Variants in CDIN1 observed in about 807,000 individuals in gnomAD.
CDIN1 encodes CDAN1-interacting nuclease 1.
A neutral mutation model predicts 45.3 loss-of-function variants in CDIN1; 33 were observed. The observed-to-expected ratio is 0.73, with a 90% CI of 0.55 to 0.97. The LOEUF (loss-of-function observed/expected upper bound fraction) is 0.97, where lower values mean the gene tolerates loss of function less well. CDIN1 is among the 50% of genes least tolerant of loss of function. The probability of loss-of-function intolerance (pLI) is 0.00; values close to 1 mark genes in which losing one functional copy is unlikely to be tolerated. For synonymous variants in CDIN1, 118 were observed against 124.4 expected, an observed-to-expected ratio of 0.95 and a Z score of 0.34; for missense variants, 303 against 339.4, an observed-to-expected ratio of 0.89 and a Z score of 0.84.
At chr15:36,593,562 GTTA>G (rs1238047224) in intron 1 of CDIN1, among the ~76,000 whole-genome samples, 11 of 152,198 alleles carry the variant, frequency 7.2e-5, no homozygotes, top group African/African-American at 1.9e-4. Context: ...TTATTTTGTT[GTTA>G]TTATTATTGT....
At chr15:36,740,546 G>C (rs917988410) in intron 10 of CDIN1, among the ~76,000 whole-genome samples, 1 of 152,068 alleles carries the variant, frequency 6.6e-6, no homozygotes, top group Non-Finnish European at 1.5e-5. Flanking sequence ...GAGATATAAT[G>C]GGCCCACTAT....
rs200611196 is a variant in CDIN1, at chr15:36,663,632, A to G, written c.346+5727A>G. Among the ~76,000 whole-genome samples the G allele has an allele frequency of 4.6e-5, 7 of 152,250 alleles. No homozygotes were observed. In the East Asian group the frequency reaches 1.4e-3, roughly 29 times the overall value. ...GTATGTGTTTGCTTCCCCTTCCACCATCATCGTGCTGAACTGTGAGATAAC... is the reference window on the plus strand; with the variant it reads ...GTATGTGTTTGCTTCCCCTTCCACCGTCATCGTGCTGAACTGTGAGATAAC... On this transcript the variant is annotated intron_variant, in intron 5 of 10. Transcript: ENST00000566621.
intron 10 of CDIN1, among the ~76,000 whole-genome samples, chr15:36,725,361 C>A (rs1285507318): frequency 6.8e-6 from 1 of 146,494 alleles, no homozygotes; most frequent in Non-Finnish European, 1.5e-5. Flanking sequence ...GAAACCCTTA[C>A]TTGGAACTAT....
intron 8 of CDIN1, among the ~76,000 whole-genome samples, chr15:36,699,410 C>T (rs141832707): frequency 0.012 from 1,847 of 152,164 alleles, 33 homozygotes; most frequent in Middle Eastern, 0.054. Flanking sequence ...GGTAAATAAA[C>T]AGACCACTAA....
chr15:36,764,501 G>A (rs952627049), intron 10 of CDIN1, among the ~76,000 whole-genome samples: 1 of 152,054 alleles, frequency 6.6e-6, no homozygotes, highest in Non-Finnish European at 1.5e-5. Context: ...GGGTTGTATG[G>A]AAAAAAGAAT....
chr15:36,597,640 T>C (rs1179739784), intron 1 of CDIN1, among the ~76,000 whole-genome samples: 1 of 152,264 alleles, frequency 6.6e-6, no homozygotes, highest in Admixed American at 6.5e-5. Flanking sequence ...TCATCGTCTT[T>C]ATCTTTCCTT....
At position 36,579,885 on chromosome 15, in the gene CDIN1, G is replaced by A. The variant is rs759220853; in HGVS notation, c.25G>A (p.Asp9Asn). Residue 9 changes from aspartate to asparagine, a missense_variant, in exon 1 of 11, where the codon GAC becomes AAC. Transcript: ENST00000566621. ...CATGATACTGACCAAAGCTCAGTAC[G>A]ACGAGATAGCCCAGTGCCTAGTGTC... MILTKAQYDEIAQCLVSVP... is the reference protein window; with the variant it reads MILTKAQYNEIAQCLVSVP... The A allele has an allele frequency of 6.2e-7, 1 of 1,613,926 alleles. No homozygotes were observed. The highest frequency in any genetic ancestry group is 8.5e-7 in the Non-Finnish European group (1 of 1,179,876).
intron 2 of CDIN1, 56 bp downstream of exon 2, chr15:36,644,379 T>C (rs1437912818): frequency 3.9e-6 from 6 of 1,531,732 alleles, no homozygotes; most frequent in African/African-American, 1.4e-5. Context: ...ATGATGAATG[T>C]CCCTTTATTT....
chr15:36,639,903 A>C (rs376639551), intron 1 of CDIN1, among the ~76,000 whole-genome samples: 3 of 152,024 alleles, frequency 2.0e-5, no homozygotes, highest in African/African-American at 7.3e-5. Flanking sequence ...CTACCTAATC[A>C]TTTATGGGGA....
chr15:36,606,755 A>G (rs771139042), intron 1 of CDIN1, among the ~76,000 whole-genome samples: 7 of 152,204 alleles, frequency 4.6e-5, no homozygotes, highest in Non-Finnish European at 7.3e-5. Context: ...TCCTCTGTTT[A>G]TAGAAGTCAC....
At chr15:36,596,680 T>C (rs542542300) in intron 1 of CDIN1, among the ~76,000 whole-genome samples, 1 of 152,100 alleles carries the variant, frequency 6.6e-6, no homozygotes, top group South Asian at 2.1e-4. Flanking sequence ...TGTAGATTCA[T>C]TCTTTTAAAT....
At chr15:36,807,301 G>C (rs2055261852) in intron 10 of CDIN1, among the ~76,000 whole-genome samples, 5 of 152,166 alleles carry the variant, frequency 3.3e-5, no homozygotes, top group Admixed American at 2.0e-4. Context: ...TGTAATGTTA[G>C]AATACAGAAA....
intron 10 of CDIN1, among the ~76,000 whole-genome samples, chr15:36,723,042 C>T (rs1343859070): frequency 6.6e-6 from 1 of 151,612 alleles, no homozygotes; most frequent in Admixed American, 6.6e-5. Flanking sequence ...GAATTCTATT[C>T]TCTTAATTTT....
chr15:36,734,388 T>C (rs1170836170), intron 10 of CDIN1: 1 of 398,348 alleles, frequency 2.5e-6, no homozygotes, highest in Non-Finnish European at 4.8e-6. Flanking sequence ...CTAGTTACTT[T>C]AACTTTTATA....
intron 10 of CDIN1, among the ~76,000 whole-genome samples, chr15:36,716,826 C>T (rs1284047891): frequency 2.0e-5 from 3 of 152,162 alleles, no homozygotes; most frequent in African/African-American, 7.2e-5. Flanking sequence ...AAGTCCAGGT[C>T]AGCAAACATT....
At chr15:36,698,923 C>A (rs988153756) in intron 8 of CDIN1, among the ~76,000 whole-genome samples, 3 of 152,138 alleles carry the variant, frequency 2.0e-5, no homozygotes, top group Non-Finnish European at 4.4e-5. Flanking sequence ...TGAACTTGAA[C>A]GTGTTAAATT....
intron 5 of CDIN1, among the ~76,000 whole-genome samples, chr15:36,660,686 T>C (rs1430788786): frequency 6.6e-6 from 1 of 152,216 alleles, no homozygotes; most frequent in Non-Finnish European, 1.5e-5. Flanking sequence ...CATTTTGTTA[T>C]TGCCCCTGAT....
chr15:36,603,940 CAT>C (rs2038230771), intron 1 of CDIN1, among the ~76,000 whole-genome samples: 1 of 152,090 alleles, frequency 6.6e-6, no homozygotes, highest in Admixed American at 6.5e-5. Context: ...ATATTTAAAT[CAT>C]AGAGATAGGA....
Position 36,579,719 on chromosome 15 carries a change from T to C in CDIN1, c.-142T>C, listed in dbSNP as rs1205657786. The C allele has an allele frequency of 3.0e-5, 19 of 638,424 alleles. No individual in the cohort carries two copies. In the South Asian group the frequency reaches 3.5e-4, roughly 12 times the overall value. The allele number at this position is 638,424 out of a possible 1,614,324, so 39.5% of individuals were successfully genotyped here. On this transcript the variant is annotated 5_prime_UTR_variant, in exon 1 of 11. Coordinates refer to ENST00000566621, the MANE Select transcript of CDIN1 (RefSeq NM_001321759.2). Reference sequence around the variant, plus strand: ...CCGCTTTTGCAGCTAGGGGTGTGTTTCAGGGGGGATTGGGGCAAGCCAAGC... The same window carrying C: ...CCGCTTTTGCAGCTAGGGGTGTGTTCCAGGGGGGATTGGGGCAAGCCAAGC...
Sources: gnomAD v4.1 joint callset for allele counts (sites outside exome capture counted in the v4.1 genomes callset) on GRCh38, gnomAD v4.1.1 for gene constraint, MANE v1.5 for transcripts, NCBI Gene and HGNC (gene_info 2026-07-23, HGNC 2026-07-21) for gene names.